CSMD1: variants seen among roughly 807,000 people sequenced by gnomAD.
CSMD1 encodes CUB and Sushi multiple domains 1, also known as CUB and sushi domain-containing protein 1.
Under a neutral mutation model 417.5 loss-of-function variants are expected in CSMD1, and 213 were observed. That is an observed-to-expected ratio of 0.51 (90% CI 0.46 to 0.57). The LOEUF (loss-of-function observed/expected upper bound fraction) is 0.57, where lower values mean the gene tolerates loss of function less well. Ranked by LOEUF, CSMD1 falls within the 20% of genes least tolerant of loss-of-function variation. CSMD1 has a pLI of 0.00. For synonymous variants in CSMD1, 2,862 were observed against 1,736.8 expected, an observed-to-expected ratio of 1.65 and a Z score of -16.11; for missense variants, 6,923 against 4,529.7, an observed-to-expected ratio of 1.53 and a Z score of -15.17.
chr8:3,675,134 T>G (rs1172689529), intron 7 of CSMD1, among the ~76,000 whole-genome samples: 2 of 152,136 alleles, frequency 1.3e-5, no homozygotes, highest in Non-Finnish European at 2.9e-5. Context: ...CACTTTCCCA[T>G]CATGGCTCAA....
intron 10 of CSMD1, among the ~76,000 whole-genome samples, chr8:3,504,941 G>C (rs375621708): frequency 6.6e-6 from 1 of 152,038 alleles, no homozygotes; most frequent in Admixed American, 6.6e-5. Context: ...GATAGAAAAT[G>C]CTTAAGCACA....
At chr8:4,668,607 G>A (rs969281156) in intron 1 of CSMD1, among the ~76,000 whole-genome samples, 2 of 151,696 alleles carry the variant, frequency 1.3e-5, no homozygotes, top group Admixed American at 6.6e-5. Context: ...CCGCCACCAC[G>A]CCTGGCTAAT....
chr8:4,637,656 T>C, intron 1 of CSMD1, 98 bp from the exon 2 acceptor site: 1 of 333,386 alleles, frequency 3.0e-6, no homozygotes, highest in Non-Finnish European at 4.8e-6. Flanking sequence ...TTTTTTTTTT[T>C]TTTTTTTTTT....
At chr8:4,423,780 A>C (rs1797390517) in intron 2 of CSMD1, among the ~76,000 whole-genome samples, 1 of 152,050 alleles carries the variant, frequency 6.6e-6, no homozygotes, top group African/African-American at 2.4e-5. Flanking sequence ...AGAAGAATAA[A>C]GCAGGAGAAA....
intron 8 of CSMD1, among the ~76,000 whole-genome samples, chr8:3,597,945 C>A (rs917159610): frequency 6.6e-6 from 1 of 152,164 alleles, no homozygotes; most frequent in African/African-American, 2.4e-5. Context: ...TGTAACAAAC[C>A]TGCACGTTGT....
At chr8:3,211,272 G>T (rs1312416774) in intron 30 of CSMD1, among the ~76,000 whole-genome samples, 1 of 152,046 alleles carries the variant, frequency 6.6e-6, no homozygotes, top group Non-Finnish European at 1.5e-5. Context: ...CTTGAATTCT[G>T]GTCCTCAAGC....
At chr8:4,093,416 G>T (rs921063299) in intron 3 of CSMD1, among the ~76,000 whole-genome samples, 2 of 152,050 alleles carry the variant, frequency 1.3e-5, no homozygotes, top group Non-Finnish European at 2.9e-5. Flanking sequence ...GCCAACAGAG[G>T]TGTACAATTT....
chr8:4,595,970 C>G (rs920241677), intron 2 of CSMD1, among the ~76,000 whole-genome samples: 2 of 152,064 alleles, frequency 1.3e-5, no homozygotes, highest in African/African-American at 4.8e-5. Context: ...CTTGTACAGC[C>G]TCAAATCCAG....
chr8:4,746,723 C>T (rs1810978689), intron 1 of CSMD1, among the ~76,000 whole-genome samples: 1 of 152,148 alleles, frequency 6.6e-6, no homozygotes, highest in African/African-American at 2.4e-5. Context: ...AATCCACAAT[C>T]CACCTCGGTG....
At chr8:3,678,046 G>A (rs1799468840) in intron 7 of CSMD1, among the ~76,000 whole-genome samples, 1 of 152,158 alleles carries the variant, frequency 6.6e-6, no homozygotes, top group African/African-American at 2.4e-5. Context: ...TAAAGACAGT[G>A]GGAGGGTGGT....
chr8:3,603,842 T>C (rs1014882510), intron 8 of CSMD1, among the ~76,000 whole-genome samples: 1 of 152,220 alleles, frequency 6.6e-6, no homozygotes, highest in African/African-American at 2.4e-5. Context: ...GTCCATACTT[T>C]CTACTTTTTC....
At chr8:4,628,883 T>C (rs1563348749) in intron 2 of CSMD1, among the ~76,000 whole-genome samples, 2 of 152,148 alleles carry the variant, frequency 1.3e-5, no homozygotes, top group African/African-American at 2.4e-5. Context: ...TATGAGTTTT[T>C]ACACGCCTTT....
intron 5 of CSMD1, among the ~76,000 whole-genome samples, chr8:3,910,431 A>G (rs555815157): frequency 1.3e-5 from 2 of 152,324 alleles, no homozygotes; most frequent in South Asian, 2.1e-4. Context: ...TAATCCCTTC[A>G]TAAAATCACG....
At chr8:4,024,238 A>C (rs540770711) in intron 4 of CSMD1, among the ~76,000 whole-genome samples, 1 of 152,278 alleles carries the variant, frequency 6.6e-6, no homozygotes, top group South Asian at 2.1e-4. Flanking sequence ...ACATATTAAT[A>C]CTCATATCAA....
chr8:4,223,611 G>A lies in CSMD1; in HGVS notation c.416-191512C>T, dbSNP rs144934715. 3.7e-3 allele frequency among the ~76,000 whole-genome samples: 571 copies of A among 152,346 alleles called. 2 individuals are homozygous for A. The highest frequency in any genetic ancestry group is 6.4e-3 in the Non-Finnish European group (434 of 68,040). On this transcript the variant is annotated intron_variant, in intron 3 of 69. Transcript: ENST00000635120. ...CATCAAAGCAGGTTGATTGACCATG[G>A]GAAAGAATAGATTAGCAGCCAGGAC...
intron 1 of CSMD1, among the ~76,000 whole-genome samples, chr8:4,887,056 G>A (rs1184734209): frequency 6.6e-6 from 1 of 151,808 alleles, no homozygotes; most frequent in Non-Finnish European, 1.5e-5. Context: ...AATGTGCTAG[G>A]TGGAAGTTTA....
At chr8:4,863,482 A>G (rs1245994860) in intron 1 of CSMD1, among the ~76,000 whole-genome samples, 2 of 152,116 alleles carry the variant, frequency 1.3e-5, no homozygotes, top group African/African-American at 4.8e-5. Flanking sequence ...TACATATTCT[A>G]GTAACATTTA....
At chr8:4,286,142 C>A (rs777291245) in intron 3 of CSMD1, among the ~76,000 whole-genome samples, 1 of 152,008 alleles carries the variant, frequency 6.6e-6, no homozygotes, top group Non-Finnish European at 1.5e-5. Context: ...AACGTTTTTA[C>A]GTTCTTTCTG....
chr8:3,695,219 G>C lies in CSMD1; in HGVS notation c.1009+13195C>G, dbSNP rs77761341. ...TGAAAACCAGGTTTATCTTATAGAT[G>C]CAATAAACGCTGGAAGACTTTGGAA... On this transcript the variant is annotated intron_variant, in intron 7 of 69. Coordinates refer to ENST00000635120, the MANE Select transcript of CSMD1 (RefSeq NM_033225.6). Among the ~76,000 whole-genome samples the C allele has an allele frequency of 2.0e-5, 3 of 151,920 alleles. No individual in the cohort carries two copies. The East Asian group carries it at 5.8e-4, about 29-fold the overall frequency.
Sources: gnomAD v4.1 joint callset for allele counts (sites outside exome capture counted in the v4.1 genomes callset) on GRCh38, gnomAD v4.1.1 for gene constraint, MANE v1.5 for transcripts, NCBI Gene and HGNC (gene_info 2026-07-23, HGNC 2026-07-21) for gene names.